The following SPTBN1 variants were observed in gnomAD, a reference collection of about 807,000 sequenced individuals.
SPTBN1 encodes the protein spectrin beta chain, non-erythrocytic 1.
In SPTBN1, 32 loss-of-function variants were observed where a neutral mutation model predicts 266.4. The observed-to-expected ratio is 0.12, with a 90% CI of 0.09 to 0.16. The LOEUF (loss-of-function observed/expected upper bound fraction) is 0.16, where lower values mean the gene tolerates loss of function less well. Among genes scored for constraint, SPTBN1 ranks in the 10% least tolerant of loss-of-function variants. The probability of loss-of-function intolerance (pLI) is 1.00; values close to 1 mark genes in which losing one functional copy is unlikely to be tolerated. For synonymous variants in SPTBN1, 1,336 were observed against 1,162.2 expected (o/e 1.15, Z -3.04); for missense variants, 2,296 against 3,067.1 (o/e 0.75, Z 5.94).
chr2:54,637,384 C>T (rs992871531), intron 17 of SPTBN1, among the ~76,000 whole-genome samples: 4 of 152,116 alleles, frequency 2.6e-5, no homozygotes, highest in East Asian at 3.9e-4. Flanking sequence ...ACTTCTCCCC[C>T]GGTGCCTAAA....
At chr2:54,603,720 C>T (rs942329796) in intron 3 of SPTBN1, among the ~76,000 whole-genome samples, 5 of 152,120 alleles carry the variant, frequency 3.3e-5, no homozygotes, top group African/African-American at 1.2e-4. Flanking sequence ...GTGAGTTTGG[C>T]TTTGTAGCAT....
At chr2:54,639,128 G>A (rs932095745) in intron 18 of SPTBN1, among the ~76,000 whole-genome samples, 25 of 152,232 alleles carry the variant, frequency 1.6e-4, no homozygotes, top group African/African-American at 5.8e-4. Flanking sequence ...TGACACGCAA[G>A]CATTAGTAAC....
Position 54,526,376 on chromosome 2 carries a change from C to CT in SPTBN1, c.-42dup. On this transcript the variant is annotated 5_prime_UTR_variant, in exon 2 of 36. Transcript: ENST00000356805. ...TTTTCCTTTTCTTTCTCATAGAACT[C>CT]TAAGAAGGAGCTGATGTGGAGGAGC... 11 of 1,607,740 alleles carry CT rather than the reference C, an allele frequency of 6.8e-6. No homozygotes were observed. The highest frequency in any genetic ancestry group is 8.5e-6 in the Non-Finnish European group (10 of 1,176,644).
At chr2:54,487,170 CTTTTTT>C (rs34779689) in intron 1 of SPTBN1, among the ~76,000 whole-genome samples, 3,298 of 98,616 alleles carry the variant, frequency 0.033, 59 homozygotes, top group South Asian at 0.11. Context: ...ATTAGGATTT[CTTTTTT>C]TTTTTTTTTT....
chr2:54,597,678 G>A (rs4519566), intron 2 of SPTBN1, among the ~76,000 whole-genome samples: 41,336 of 151,956 alleles, frequency 0.27, 7,572 homozygotes, highest in African/African-American at 0.53. Context: ...GGTGGGTGGT[G>A]GAGTGAGTTT....
intron 9 of SPTBN1, among the ~76,000 whole-genome samples, chr2:54,623,011 C>T (rs1480414823): frequency 6.6e-6 from 1 of 152,026 alleles, no homozygotes; most frequent in African/African-American, 2.4e-5. Flanking sequence ...TTTTTAAGTT[C>T]ATAATTGTTG....
Position 54,623,500 on chromosome 2 carries a change from G to A in SPTBN1, c.1086G>A (p.Leu362=). 2 of 1,614,140 alleles carry A rather than the reference G, an allele frequency of 1.2e-6. No individual in the cohort carries two copies. The highest frequency in any genetic ancestry group is 8.5e-7 in the Non-Finnish European group (1 of 1,180,014). The change falls in exon 10 of 36, where the codon TTG becomes TTA. Residue 362 remains leucine (L), a synonymous_variant. Coordinates refer to ENST00000356805, the MANE Select transcript of SPTBN1 (RefSeq NM_003128.3). ...KPPKFTEKGN[L]EVLLFTIQSK... is the part of the protein sequence containing the mutation. ...TTAGATTTACTGAGAAGGGGAACTTGGAAGTGCTGCTCTTCACCATTCAGA... is the reference window on the plus strand; with the variant it reads ...TTAGATTTACTGAGAAGGGGAACTTAGAAGTGCTGCTCTTCACCATTCAGA...
At chr2:54,551,229 C>A (rs977580948) in intron 2 of SPTBN1, among the ~76,000 whole-genome samples, 1 of 152,226 alleles carries the variant, frequency 6.6e-6, no homozygotes, top group Non-Finnish European at 1.5e-5. Flanking sequence ...GTCAGCTGTT[C>A]CCCTCCATGT....
At chr2:54,667,491 G>A (rs1010831508) in intron 34 of SPTBN1, 113 bp from the exon 35 acceptor site, 15 of 973,480 alleles carry the variant, frequency 1.5e-5, no homozygotes, top group South Asian at 3.1e-5. Flanking sequence ...GTAGGTTGAC[G>A]CTTCTGTTGT....
rs569167895 is a variant in SPTBN1 at position 54,670,723 on chromosome 2, C to G, written c.*2154C>G. Reference sequence around the variant, plus strand: ...TAATAAATACGTACATGTGGAACATCGTGCACATAATTTCAACAGTTCGCA... The same window carrying G: ...TAATAAATACGTACATGTGGAACATGGTGCACATAATTTCAACAGTTCGCA... On this transcript the variant is annotated 3_prime_UTR_variant, in exon 36 of 36. Coordinates refer to ENST00000356805, the MANE Select transcript of SPTBN1 (RefSeq NM_003128.3). The G allele has an allele frequency of 1.0e-5, 4 of 398,500 alleles. No homozygotes were observed. The highest frequency in any genetic ancestry group is 6.2e-5 in the African/African-American group (3 of 48,628). 24.7% of individuals were successfully genotyped at this position (398,500 alleles called of 1,614,324 possible).
chr2:54,486,137 G>A (rs1668368987), intron 1 of SPTBN1, among the ~76,000 whole-genome samples: 1 of 148,652 alleles, frequency 6.7e-6, no homozygotes, highest in Non-Finnish European at 1.5e-5. Flanking sequence ...CCCCGTCTGG[G>A]AGGTGAGGGG....
Position 54,655,930 on chromosome 2 carries a change from T to A in SPTBN1, c.5978T>A (p.Leu1993Gln). 1 of 1,613,234 alleles carries A rather than the reference T, an allele frequency of 6.2e-7. No homozygotes were observed. Among genetic ancestry groups the A allele is most frequent in the Non-Finnish European group, 8.5e-7 (1 of 1,179,356 alleles). The change falls in exon 29 of 36, where the codon CTG becomes CAG. Residue 1993 changes from leucine to glutamine, a missense_variant. Leu to Gln is a moderately radical substitution (Grantham distance 113). Around this residue, in one of 12 missense-constraint regions of SPTBN1, gnomAD observed 644 missense variants for 745.3 expected, o/e 0.86. Transcript: ENST00000356805. Reference protein sequence around the residue: ...YASEEIKEKLLQLTEKRKEMI... With the variant: ...YASEEIKEKLQQLTEKRKEMI... ...TTCATACAGATCAAGGAAAAATTAC[T>A]GCAGTTGACGGAAAAGAGGAAAGAA...
chr2:54,522,646 A>AGAGAGAGGAGAGAGAGAGAGAGAGG lies in SPTBN1; in HGVS notation c.-47-3726_-47-3725insGAGAGAGGAGAGAGAGAGAGAGAGG, dbSNP rs1670513590. ...ACTCTGTCTCAAAAAGAAAGAAAGA[A>AGAGAGAGGAGAGAGAGAGAGAGAGG]AGAGAGAGAGAAAGAGAGAGAGAGA... is the stretch of plus-strand genomic sequence containing the variant. On this transcript the variant is annotated intron_variant, in intron 1 of 35. Coordinates refer to ENST00000356805, the MANE Select transcript of SPTBN1 (RefSeq NM_003128.3). Among the ~76,000 whole-genome samples, 4 of 56,894 alleles carry AGAGAGAGGAGAGAGAGAGAGAGAGG rather than the reference A, an allele frequency of 7.0e-5. No individual in the cohort carries two copies. The South Asian group carries it at 1.7e-3, about 25-fold the overall frequency. The allele number at this position is 56,894 out of a possible 152,430, so 37.3% of individuals were successfully genotyped here. A position where few individuals can be genotyped will look rare whatever the true frequency, so the allele number is the denominator to read the frequency against.
intron 18 of SPTBN1, among the ~76,000 whole-genome samples, chr2:54,638,690 C>T (rs566991362): frequency 1.3e-5 from 2 of 152,326 alleles, no homozygotes; most frequent in South Asian, 4.1e-4. Flanking sequence ...GAATAACAGA[C>T]TCAGCCCTCT....
At position 54,496,439 on chromosome 2, in the gene SPTBN1, T is replaced by TAAA. The variant is rs10623542; in HGVS notation, c.-47-29915_-47-29913dup. Among the ~76,000 whole-genome samples the TAAA allele has an allele frequency of 9.8e-3, 1,244 of 126,322 alleles. 19 individuals are homozygous for TAAA. The highest frequency in any genetic ancestry group is 0.022 in the African/African-American group (717 of 33,270). 82.9% of individuals were successfully genotyped at this position (126,322 alleles called of 152,430 possible). A position where few individuals can be genotyped will look rare whatever the true frequency, so the allele number is the denominator to read the frequency against. ...GGCGACAGAGTGATACTCCGTGTCTTAAAAAAAAAAAAAAAAAAAAGTATG... is the reference window on the plus strand; with the variant it reads ...GGCGACAGAGTGATACTCCGTGTCTTAAAAAAAAAAAAAAAAAAAAAAAGTATG... On this transcript the variant is annotated intron_variant, in intron 1 of 35. Transcript: ENST00000356805.
intron 2 of SPTBN1, among the ~76,000 whole-genome samples, chr2:54,582,711 G>T (rs1573464806): frequency 1.3e-5 from 2 of 152,132 alleles, no homozygotes; most frequent in East Asian, 3.8e-4. Context: ...ATTTAGGTTG[G>T]GGGGAATCTT....
chr2:54,469,174 CTA>C (rs1475311643), intron 1 of SPTBN1, among the ~76,000 whole-genome samples: 1 of 152,140 alleles, frequency 6.6e-6, no homozygotes, highest in Non-Finnish European at 1.5e-5. Context: ...GCCTTTAACT[CTA>C]GTATTCGGCT....
intron 3 of SPTBN1, among the ~76,000 whole-genome samples, chr2:54,611,135 G>A (rs1253858673): frequency 6.6e-6 from 1 of 152,130 alleles, no homozygotes. Context: ...TATATATTTT[G>A]CGGTAGTAAA....
chr2:54,530,556 G>A (rs984520803), intron 2 of SPTBN1, among the ~76,000 whole-genome samples: 16 of 151,464 alleles, frequency 1.1e-4, no homozygotes, highest in Non-Finnish European at 2.1e-4. Flanking sequence ...ACGGGGTTTC[G>A]CCGTGTTATC....
Sources: gnomAD v4.1 joint callset for allele counts (sites outside exome capture counted in the v4.1 genomes callset) on GRCh38, gnomAD v4.1.1 for gene constraint, gnomAD v4.1.1 regional missense constraint, MANE v1.5 for transcripts, NCBI Gene and HGNC (gene_info 2026-07-23, HGNC 2026-07-21) for gene names.